Variants in TRPC4 observed in about 807,000 individuals in gnomAD.
The protein encoded by TRPC4 is short transient receptor potential channel 4.
A neutral mutation model predicts 99.4 loss-of-function variants in TRPC4; 49 were observed. That is an observed-to-expected ratio of 0.49 (90% CI 0.39 to 0.63). TRPC4 has a LOEUF of 0.63. Among genes scored for constraint, TRPC4 ranks in the 20% least tolerant of loss-of-function variants. The pLI, the probability that TRPC4 is intolerant of heterozygous loss-of-function variation, is 0.00. For missense variants in TRPC4, 898 were observed against 1,152.9 expected (o/e 0.78, Z 3.20); for synonymous variants, 454 against 425.9 (o/e 1.07, Z -0.81).
Position 37,770,298 on chromosome 13 carries a change from G to A in TRPC4, c.378+12658C>T, listed in dbSNP as rs373236029. On this transcript the variant is annotated intron_variant, in intron 2 of 10. Coordinates refer to ENST00000379705, the MANE Select transcript of TRPC4 (RefSeq NM_016179.4). ...CACTTTCCACATATCTGTAAAAGGT[G>A]ATGACTCCAGGAGTTACTTTGTATT... Among the ~76,000 whole-genome samples the A allele has an allele frequency of 4.6e-5, 7 of 151,538 alleles. No individual in the cohort carries two copies. In the East Asian group the frequency reaches 1.4e-3, roughly 30 times the overall value.
intron 2 of TRPC4, among the ~76,000 whole-genome samples, chr13:37,748,761 T>C (rs1474117300): frequency 1.3e-5 from 2 of 151,912 alleles, no homozygotes; most frequent in African/African-American, 4.8e-5. Context: ...AGTATATCCA[T>C]ACTGAATAGC....
intron 1 of TRPC4, among the ~76,000 whole-genome samples, chr13:37,843,019 G>A (rs1958788034): frequency 6.6e-6 from 1 of 152,186 alleles, no homozygotes; most frequent in Non-Finnish European, 1.5e-5. Context: ...AGGCTGCTCA[G>A]TGATTAATAT....
At chr13:37,694,336 C>T (rs1407216767) in intron 3 of TRPC4, among the ~76,000 whole-genome samples, 1 of 152,170 alleles carries the variant, frequency 6.6e-6, no homozygotes, top group Non-Finnish European at 1.5e-5. Context: ...TACTAAGTAA[C>T]TCATTCCGTG....
chr13:37,797,109 G>A (rs1237160945), intron 1 of TRPC4, among the ~76,000 whole-genome samples: 1 of 151,606 alleles, frequency 6.6e-6, no homozygotes, highest in East Asian at 1.9e-4. Flanking sequence ...TAGCCCAGGA[G>A]GTCCAGACTA....
At chr13:37,722,238 C>T (rs7331261) in intron 3 of TRPC4, among the ~76,000 whole-genome samples, 132,859 of 152,102 alleles carry the variant, frequency 0.87, 59,487 homozygotes, top group Non-Finnish European at 0.97. Context: ...TACTCTTCCC[C>T]GACTATCTAG....
chr13:37,694,546 A>G (rs1953845865), intron 3 of TRPC4, among the ~76,000 whole-genome samples: 1 of 152,232 alleles, frequency 6.6e-6, no homozygotes, highest in Non-Finnish European at 1.5e-5. Context: ...TATACTCTGT[A>G]AAATTACCTA....
At chr13:37,860,275 T>C (rs557084762) in intron 1 of TRPC4, among the ~76,000 whole-genome samples, 3 of 151,440 alleles carry the variant, frequency 2.0e-5, no homozygotes, top group Non-Finnish European at 4.4e-5. Context: ...ATATGGTGAA[T>C]ATTTTTAATA....
chr13:37,817,555 A>T (rs1177974681), intron 1 of TRPC4, among the ~76,000 whole-genome samples: 1 of 151,898 alleles, frequency 6.6e-6, no homozygotes, highest in Non-Finnish European at 1.5e-5. Flanking sequence ...AAAAAAGAGC[A>T]TGAATAACCA....
intron 3 of TRPC4, among the ~76,000 whole-genome samples, chr13:37,705,233 T>G (rs1466437421): frequency 2.0e-5 from 3 of 152,170 alleles, no homozygotes; most frequent in African/African-American, 7.2e-5. Context: ...CACTGATATG[T>G]GGAATCTTAA....
intron 4 of TRPC4, among the ~76,000 whole-genome samples, chr13:37,691,333 T>C (rs1317466383): frequency 6.6e-6 from 1 of 152,092 alleles, no homozygotes; most frequent in Non-Finnish European, 1.5e-5. Context: ...TACGATCTCC[T>C]GACCTCGTGA....
intron 3 of TRPC4, among the ~76,000 whole-genome samples, chr13:37,719,450 G>A (rs1954791005): frequency 6.6e-6 from 1 of 151,912 alleles, no homozygotes; most frequent in Non-Finnish European, 1.5e-5. Context: ...TGCTAAAGAG[G>A]ATTCTTCTGG....
chr13:37,864,136 G>T (rs1343980417), intron 1 of TRPC4, among the ~76,000 whole-genome samples: 1 of 151,570 alleles, frequency 6.6e-6, no homozygotes, highest in African/African-American at 2.4e-5. Flanking sequence ...ATCATGTATT[G>T]TCAAGTCTTT....
rs58075371 is a variant in TRPC4, at chr13:37,740,452, C to T, written c.897+5485G>A. On this transcript the variant is annotated intron_variant, in intron 3 of 10. Transcript: ENST00000379705. ...ATTAAAAACCTGTTGGAGTGATACA[C>T]TTATCAAAAAAGAGTTTATAAAATA... 6.5e-3 allele frequency among the ~76,000 whole-genome samples: 985 copies of T among 152,216 alleles called. 14 individuals carry two copies. The highest frequency in any genetic ancestry group is 0.023 in the African/African-American group (943 of 41,546).
rs1378583731 is a variant in TRPC4 at position 37,674,334 on chromosome 13, T to C, written c.1268A>G (p.Asp423Gly). 6.2e-7 allele frequency: 1 copy of C among 1,605,524 alleles called. No individual in the cohort carries two copies. The change falls in exon 5 of 11, where the codon GAT becomes GGT. Residue 423 changes from aspartate to glycine, a missense_variant. By Grantham distance (94) the Asp-to-Gly change is moderately conservative. This residue lies in a region of TRPC4 where 274 missense variants were observed against 454.9 expected (regional missense o/e 0.60). Transcript: ENST00000379705. ...FIWGEIKQMW[D>G]GGLQDYIHDW... is the part of the protein sequence containing the mutation. The stretch of plus-strand genomic sequence containing the variant: ...ATGGATGTAGTCCTGAAGTCCGCCA[T>C]CCCACATCTGTTTAATTTCTCCCCA...
intron 1 of TRPC4, among the ~76,000 whole-genome samples, chr13:37,810,494 G>T (rs530867908): frequency 6.6e-6 from 1 of 152,046 alleles, no homozygotes; most frequent in African/African-American, 2.4e-5. Context: ...AAAACAATTA[G>T]ACACCCATCG....
At chr13:37,679,254 A>T (rs1409302199) in intron 4 of TRPC4, among the ~76,000 whole-genome samples, 1 of 152,146 alleles carries the variant, frequency 6.6e-6, no homozygotes, top group Non-Finnish European at 1.5e-5. Context: ...TGGTTATTAC[A>T]TGACTGTATG....
chr13:37,811,193 C>A lies in TRPC4; in HGVS notation c.-27-27833G>T, dbSNP rs545482219. On this transcript the variant is annotated intron_variant, in intron 1 of 10. Transcript: ENST00000379705. ...ATAAAATCAAAACTCTATTTTATAA[C>A]AACAAAAATCTCAATAACAAAATTG... 8.9e-4 allele frequency among the ~76,000 whole-genome samples: 136 copies of A among 152,078 alleles called. 1 individual carries two copies. Among genetic ancestry groups the A allele is most frequent in the Middle Eastern group, 3.4e-3 (1 of 290 alleles).
chr13:37,759,280 T>C (rs1338094714), intron 2 of TRPC4, among the ~76,000 whole-genome samples: 1 of 151,810 alleles, frequency 6.6e-6, no homozygotes, highest in Non-Finnish European at 1.5e-5. Context: ...ATGGGGTAAA[T>C]ATTTAAATGT....
Position 37,746,263 on chromosome 13 carries a change from G to A in TRPC4, c.571C>T (p.Arg191Cys). The change falls in exon 3 of 11, where the codon CGT (arginine) becomes TGT (cysteine). Residue 191 changes from arginine (R) to cysteine (C), a missense_variant. Around this residue, in one of 3 missense-constraint regions of TRPC4, gnomAD observed 278 missense variants for 346.6 expected, o/e 0.80. Coordinates refer to ENST00000379705, the MANE Select transcript of TRPC4 (RefSeq NM_016179.4). ...CVSSSDVDSL[R>C]HSRSRLNIYK... ...ATGTTGAGTCTGGAGCGTGAGTGAC[G>A]GAGGCTGTCCACATCTGAACTGGAC... 4 of 1,613,806 alleles carry A rather than the reference G, an allele frequency of 2.5e-6. No homozygotes were observed. Among genetic ancestry groups the A allele is most frequent in the Non-Finnish European group, 3.4e-6 (4 of 1,179,860 alleles).
Sources: gnomAD v4.1 joint callset for allele counts (sites outside exome capture counted in the v4.1 genomes callset) on GRCh38, gnomAD v4.1.1 for gene constraint, gnomAD v4.1.1 regional missense constraint, MANE v1.5 for transcripts, NCBI Gene and HGNC (gene_info 2026-07-23, HGNC 2026-07-21) for gene names.